The following CD300LD variants were observed in gnomAD, a reference collection of about 807,000 sequenced individuals.
CD300LD encodes the protein CMRF35-like molecule 5.
A neutral mutation model predicts 20.3 loss-of-function variants in CD300LD; 18 were observed. That is an observed-to-expected ratio of 0.89 (90% CI 0.61 to 1.32). The LOEUF (loss-of-function observed/expected upper bound fraction) is 1.32, where lower values mean the gene tolerates loss of function less well. CD300LD is among the 40% of genes most tolerant of loss of function. The pLI, the probability that CD300LD is intolerant of heterozygous loss-of-function variation, is 0.00. For missense variants in CD300LD, 195 were observed against 226.6 expected, an observed-to-expected ratio of 0.86 and a Z score of 0.90; for synonymous variants, 104 against 90.1, an observed-to-expected ratio of 1.15 and a Z score of -0.87.
chr17:74,591,689 C>G (rs2030321910), intron 1 of CD300LD, among the ~76,000 whole-genome samples: 1 of 152,092 alleles, frequency 6.6e-6, no homozygotes, highest in Non-Finnish European at 1.5e-5. Flanking sequence ...GGTATATCCA[C>G]TGTGAAATAC....
chr17:74,591,268 A>AAATAAAAATAAT (rs1555650258), intron 1 of CD300LD, among the ~76,000 whole-genome samples: 11 of 142,400 alleles, frequency 7.7e-5, no homozygotes, highest in African/African-American at 1.0e-4. Flanking sequence ...AAAAAAATAA[A>AAATAAAAATAAT]AATAATAATA....
At chr17:74,581,088 C>T (rs922499652) in intron 3 of CD300LD, among the ~76,000 whole-genome samples, 2 of 151,800 alleles carry the variant, frequency 1.3e-5, no homozygotes, top group African/African-American at 4.8e-5. Context: ...GGCTCTCCTG[C>T]TACACCTCTG....
intron 3 of CD300LD, among the ~76,000 whole-genome samples, chr17:74,580,739 G>A (rs529437007): frequency 3.9e-5 from 6 of 152,044 alleles, no homozygotes; most frequent in Admixed American, 2.0e-4. Context: ...TCACCTCAGC[G>A]CAACTTGAAG....
chr17:74,581,068 T>C (rs1248070960), intron 3 of CD300LD, among the ~76,000 whole-genome samples: 1 of 151,758 alleles, frequency 6.6e-6, no homozygotes, highest in Non-Finnish European at 1.5e-5. Flanking sequence ...CCCAGCATCT[T>C]CACTCTTGGG....
At chr17:74,586,642 G>A (rs1428932884) in intron 2 of CD300LD, among the ~76,000 whole-genome samples, 1 of 152,192 alleles carries the variant, frequency 6.6e-6, no homozygotes, top group South Asian at 2.1e-4. Context: ...ACACCTGGAA[G>A]CTCAGGATTC....
chr17:74,586,768 G>T (rs1164666213), intron 2 of CD300LD, among the ~76,000 whole-genome samples: 1 of 152,120 alleles, frequency 6.6e-6, no homozygotes, highest in Non-Finnish European at 1.5e-5. Flanking sequence ...TTGGGTAAAA[G>T]CTGTCTTAAT....
chr17:74,588,840 A>G lies in CD300LD; in HGVS notation c.50T>C (p.Ile17Thr), dbSNP rs749707317. 4 of 1,606,480 alleles carry G rather than the reference A, an allele frequency of 2.5e-6. No individual in the cohort carries two copies. The highest frequency in any genetic ancestry group is 3.4e-6 in the Non-Finnish European group (4 of 1,173,718). Reference protein sequence around the residue: ...LLLLILPGYSIAAKITGPTTV... With the variant: ...LLLLILPGYSTAAKITGPTTV... ...TGTTGGACCAGTGATTTTAGCGGCA[A>G]TGGAGTAACCTGGAAAACGCAAATT... The change falls in exon 2 of 4, where the codon ATT (isoleucine) becomes ACT (threonine). Residue 17 changes from isoleucine (I) to threonine (T), a missense_variant. Ile to Thr is a moderately conservative substitution (Grantham distance 89). Coordinates refer to ENST00000375352, the MANE Select transcript of CD300LD (RefSeq NM_001115152.2).
chr17:74,580,482 T>G (rs2030009889), intron 3 of CD300LD, among the ~76,000 whole-genome samples: 1 of 152,258 alleles, frequency 6.6e-6, no homozygotes, highest in African/African-American at 2.4e-5. Flanking sequence ...CATCGCTGCC[T>G]GTGCAAACGC....
chr17:74,580,278 C>T (rs1018551737), intron 3 of CD300LD, among the ~76,000 whole-genome samples, 165 bp from the exon 4 acceptor site: 1 of 152,190 alleles, frequency 6.6e-6, no homozygotes, highest in African/African-American at 2.4e-5. Flanking sequence ...TGCTCACCAG[C>T]GAGGCTCCCA....
At chr17:74,583,832 A>G (rs1390881542) in intron 2 of CD300LD, among the ~76,000 whole-genome samples, 3 of 148,488 alleles carry the variant, frequency 2.0e-5, no homozygotes, top group African/African-American at 7.5e-5. Flanking sequence ...GGCTCACTGC[A>G]ACCACTGCCT....
chr17:74,584,404 G>A, intron 2 of CD300LD, among the ~76,000 whole-genome samples: 1 of 152,182 alleles, frequency 6.6e-6, no homozygotes. Context: ...GACCAACACA[G>A]TATAGCACTG....
intron 2 of CD300LD, among the ~76,000 whole-genome samples, chr17:74,585,257 T>C (rs965492201): frequency 3.3e-5 from 5 of 152,206 alleles, no homozygotes; most frequent in Non-Finnish European, 5.9e-5. Context: ...CAAAAAGGTC[T>C]TAAATTTGAT....
Position 74,588,496 on chromosome 17 carries a change from T to A in CD300LD, c.379+15A>T. On this transcript the variant is annotated intron_variant, in intron 2 of 3. Coordinates refer to ENST00000375352, the MANE Select transcript of CD300LD (RefSeq NM_001115152.2). ...AGGACCTGAGAGACACACACGTATA[T>A]ACACTCCCTCTTACCTGGGTTAATG... 1 of 1,566,254 alleles carries A rather than the reference T, an allele frequency of 6.4e-7. No homozygotes were observed. Among genetic ancestry groups the A allele is most frequent in the East Asian group, 2.2e-5 (1 of 44,652 alleles).
chr17:74,581,603 A>G (rs1162642488), intron 3 of CD300LD, among the ~76,000 whole-genome samples: 1 of 151,752 alleles, frequency 6.6e-6, no homozygotes, highest in Non-Finnish European at 1.5e-5. Flanking sequence ...CCATTCCCCT[A>G]CTCTGGTGTC....
At chr17:74,588,285 C>T (rs970311881) in intron 2 of CD300LD, among the ~76,000 whole-genome samples, 7 of 152,200 alleles carry the variant, frequency 4.6e-5, no homozygotes, top group African/African-American at 1.7e-4. Context: ...GCCCCCATGA[C>T]CCAGTCACCT....
At position 74,579,428 on chromosome 17, in the gene CD300LD, T is replaced by C. The variant is rs2029983960; in HGVS notation, c.*574A>G. ...CATTCTTCTCATGTTTTCTACTGCA[T>C]TGGAGACCTCAGAAGGAAGAAGGGC... On this transcript the variant is annotated 3_prime_UTR_variant, in exon 4 of 4. Transcript: ENST00000375352. The C allele has an allele frequency of 6.6e-6, 1 of 152,300 alleles. No individual in the cohort carries two copies. Among genetic ancestry groups the C allele is most frequent in the Non-Finnish European group, 1.5e-5 (1 of 68,184 alleles). The allele number at this position is 152,300 out of a possible 1,614,324, so 9.4% of individuals were successfully genotyped here.
At chr17:74,583,396 G>C (rs1001994810) in intron 2 of CD300LD, among the ~76,000 whole-genome samples, 3 of 152,190 alleles carry the variant, frequency 2.0e-5, no homozygotes, top group Admixed American at 2.0e-4. Context: ...CCGCAAGAAG[G>C]GGTAGCAAGA....
chr17:74,584,541 A>T (rs774225474), intron 2 of CD300LD: 3 of 152,188 alleles, frequency 2.0e-5, no homozygotes, highest in Non-Finnish European at 2.9e-5. Context: ...CCTTGTGATT[A>T]TCTATAGGAA....
At chr17:74,580,647 T>C (rs1428114118) in intron 3 of CD300LD, among the ~76,000 whole-genome samples, 1 of 152,174 alleles carries the variant, frequency 6.6e-6, no homozygotes, top group Non-Finnish European at 1.5e-5. Context: ...AGAACCTTAT[T>C]GACCATCAAT....
Sources: gnomAD v4.1 joint callset for allele counts (sites outside exome capture counted in the v4.1 genomes callset) on GRCh38, gnomAD v4.1.1 for gene constraint, MANE v1.5 for transcripts, NCBI Gene and HGNC (gene_info 2026-07-23, HGNC 2026-07-21) for gene names.